The following RAB3GAP2 variants were observed in gnomAD, a reference collection of about 807,000 sequenced individuals.
RAB3GAP2 encodes rab3 GTPase-activating protein non-catalytic subunit.
In RAB3GAP2, 87 loss-of-function variants were observed where a neutral mutation model predicts 185.3. That is an observed-to-expected ratio of 0.47 (90% CI 0.39 to 0.56). RAB3GAP2 has a LOEUF of 0.56. Ranked by LOEUF, RAB3GAP2 falls within the 20% of genes least tolerant of loss-of-function variation. The pLI, the probability that RAB3GAP2 is intolerant of heterozygous loss-of-function variation, is 0.00. For missense variants in RAB3GAP2, 1,492 were observed against 1,638.2 expected (o/e 0.91, Z 1.54); for synonymous variants, 554 against 576.1 (o/e 0.96, Z 0.55).
At chr1:220,181,620 T>C (rs1444722584) in intron 21 of RAB3GAP2, among the ~76,000 whole-genome samples, 1 of 151,020 alleles carries the variant, frequency 6.6e-6, no homozygotes, top group Admixed American at 6.6e-5. Context: ...GCTTATTTTG[T>C]TTTTAAGATA....
intron 1 of RAB3GAP2, among the ~76,000 whole-genome samples, chr1:220,238,740 G>A (rs1558166417): frequency 6.6e-6 from 1 of 152,302 alleles, no homozygotes; most frequent in East Asian, 1.9e-4. Flanking sequence ...AATCCTTTAT[G>A]AAGTTTTCTT....
intron 29 of RAB3GAP2, 29 bp downstream of exon 29, chr1:220,159,356 CA>C: frequency 6.3e-7 from 1 of 1,579,944 alleles, no homozygotes; most frequent in Non-Finnish European, 8.7e-7. Flanking sequence ...AATTAACAAC[CA>C]TAATTCTAGC....
intron 2 of RAB3GAP2, among the ~76,000 whole-genome samples, chr1:220,232,107 G>A (rs933604047): frequency 4.6e-5 from 7 of 152,086 alleles, no homozygotes; most frequent in African/African-American, 7.2e-5. Flanking sequence ...AGAAAAATGC[G>A]TAGAATATGG....
At chr1:220,219,471 T>G (rs1428529900) in intron 2 of RAB3GAP2, 2 of 152,246 alleles carry the variant, frequency 1.3e-5, no homozygotes, top group Non-Finnish European at 2.9e-5. Flanking sequence ...AGAGGAACTC[T>G]GGTCCTTCAC....
At chr1:220,248,445 C>A (rs993244802) in intron 1 of RAB3GAP2, among the ~76,000 whole-genome samples, 1 of 151,904 alleles carries the variant, frequency 6.6e-6, no homozygotes, top group Non-Finnish European at 1.5e-5. Context: ...TCATGTTGCA[C>A]ACCTTAAATA....
intron 1 of RAB3GAP2, among the ~76,000 whole-genome samples, chr1:220,254,702 CTTTTTTCTTTTCT>C (rs1190022237): frequency 1.3e-5 from 2 of 150,472 alleles, no homozygotes; most frequent in East Asian, 3.9e-4. Context: ...GTAATAGCTC[CTTTTTTCTTTTCT>C]TTTTTTTTTT....
intron 9 of RAB3GAP2, 52 bp from the exon 10 acceptor site, chr1:220,196,450 C>T (rs765104496): frequency 6.0e-6 from 9 of 1,490,502 alleles, no homozygotes; most frequent in South Asian, 1.1e-5. Context: ...GCGGTCATTA[C>T]ATTTTTACTT....
intron 17 of RAB3GAP2, among the ~76,000 whole-genome samples, chr1:220,189,018 A>G (rs1027153821): frequency 6.6e-6 from 1 of 152,120 alleles, no homozygotes; most frequent in Admixed American, 6.5e-5. Flanking sequence ...CACAGGAATG[A>G]CGTAACTATA....
chr1:220,212,777 A>G (rs1558157617), intron 4 of RAB3GAP2, 110 bp downstream of exon 4: 15 of 915,220 alleles, frequency 1.6e-5, no homozygotes, highest in Non-Finnish European at 2.5e-5. Flanking sequence ...ACAGATGTGA[A>G]CCACTGCACC....
chr1:220,205,104 G>A (rs1267048729), intron 8 of RAB3GAP2, among the ~76,000 whole-genome samples: 2 of 152,042 alleles, frequency 1.3e-5, no homozygotes, highest in African/African-American at 4.8e-5. Flanking sequence ...AATTGATGGT[G>A]TGTCTTTCAC....
chr1:220,247,376 G>A (rs1048942988), intron 1 of RAB3GAP2, among the ~76,000 whole-genome samples: 3 of 152,138 alleles, frequency 2.0e-5, no homozygotes, highest in African/African-American at 4.8e-5. Flanking sequence ...ACCAACAAGT[G>A]TATAAAGAAA....
intron 9 of RAB3GAP2, among the ~76,000 whole-genome samples, chr1:220,201,667 T>C (rs947483908): frequency 6.6e-6 from 1 of 151,964 alleles, no homozygotes; most frequent in African/African-American, 2.4e-5. Flanking sequence ...ACCTGGCTAA[T>C]TTTTGTATTT....
intron 14 of RAB3GAP2, 89 bp from the exon 15 acceptor site, chr1:220,190,609 T>G: frequency 7.4e-7 from 1 of 1,347,226 alleles, no homozygotes; most frequent in Non-Finnish European, 1.1e-6. Context: ...AAACCCAACA[T>G]TATTATCAAT....
chr1:220,157,633 CAATAAGAATTT>C, intron 30 of RAB3GAP2, 145 bp from the exon 31 acceptor site: 1 of 1,076,048 alleles, frequency 9.3e-7, no homozygotes, highest in African/African-American at 1.6e-5. Flanking sequence ...AGTCTAATTT[CAATAAGAATTT>C]AATAAGAAAA....
In RAB3GAP2 at chr1:220,249,660, C is replaced by G. The variant is rs1435523093; in HGVS notation, c.116-16797G>C. Among the ~76,000 whole-genome samples, 10 of 152,230 alleles carry G rather than the reference C, an allele frequency of 6.6e-5. No homozygotes were observed. The East Asian group carries it at 1.9e-3, about 29-fold the overall frequency. Reference sequence around the variant, plus strand: ...TGCATGTCAGAGATCTTCATGGCAGCCTCTCCCATCACAGGCCCGGAGGCC... The same window carrying G: ...TGCATGTCAGAGATCTTCATGGCAGGCTCTCCCATCACAGGCCCGGAGGCC... On this transcript the variant is annotated intron_variant, in intron 1 of 34. Coordinates refer to ENST00000358951, the MANE Select transcript of RAB3GAP2 (RefSeq NM_012414.4).
chr1:220,164,468 G>GTTTTTTTTTTTTTTTTTTTTTTTT (rs1339856200), intron 27 of RAB3GAP2, among the ~76,000 whole-genome samples: 1 of 117,046 alleles, frequency 8.5e-6, no homozygotes, highest in African/African-American at 3.3e-5. Flanking sequence ...TTTGTTTTTT[G>GTTTTTTTTTTTTTTTTTTTTTTTT]TTTTGTTTTT....
intron 24 of RAB3GAP2, among the ~76,000 whole-genome samples, chr1:220,170,265 G>T (rs1417646303): frequency 6.6e-6 from 1 of 152,142 alleles, no homozygotes; most frequent in Non-Finnish European, 1.5e-5. Context: ...CAGGGCCTGT[G>T]GGGGATTGCG....
intron 33 of RAB3GAP2, among the ~76,000 whole-genome samples, chr1:220,152,467 C>A (rs1657776149): frequency 6.6e-6 from 1 of 152,230 alleles, no homozygotes; most frequent in Non-Finnish European, 1.5e-5. Context: ...CTGCCTCATG[C>A]CATACTTCTT....
At chr1:220,263,159 T>C (rs1292097393) in intron 1 of RAB3GAP2, among the ~76,000 whole-genome samples, 1 of 152,114 alleles carries the variant, frequency 6.6e-6, no homozygotes, top group Non-Finnish European at 1.5e-5. Flanking sequence ...TTTGTTGTTG[T>C]TATTGAGTTG....
Sources: gnomAD v4.1 joint callset for allele counts (sites outside exome capture counted in the v4.1 genomes callset) on GRCh38, gnomAD v4.1.1 for gene constraint, MANE v1.5 for transcripts, NCBI Gene and HGNC (gene_info 2026-07-23, HGNC 2026-07-21) for gene names.